Variants in FILIP1L observed in about 807,000 individuals in gnomAD.
FILIP1L encodes filamin A-interacting protein 1-like.
FILIP1L carries 55 observed loss-of-function variants against 96.6 expected under a neutral mutation model. The observed-to-expected ratio is 0.57, with a 90% CI of 0.46 to 0.71. The LOEUF (loss-of-function observed/expected upper bound fraction) is 0.71. Among genes scored for constraint, FILIP1L ranks in the 30% least tolerant of loss-of-function variants. FILIP1L has a pLI of 0.00. For missense variants in FILIP1L, 1,304 were observed against 1,321.2 expected, an observed-to-expected ratio of 0.99 and a Z score of 0.20; for synonymous variants, 467 against 473.9, an observed-to-expected ratio of 0.99 and a Z score of 0.19.
intron 4 of FILIP1L, among the ~76,000 whole-genome samples, chr3:99,918,902 T>C (rs1014282974): frequency 6.6e-6 from 1 of 152,224 alleles, no homozygotes; most frequent in Non-Finnish European, 1.5e-5. Flanking sequence ...ATTTCAATAC[T>C]TGTAAGACAT....
rs576629260 is a variant in FILIP1L, at chr3:99,971,140, A to G, written c.-10-40110T>C. On this transcript the variant is annotated intron_variant, in intron 1 of 5. Coordinates refer to ENST00000477258, the MANE Select transcript of FILIP1L (RefSeq NM_001387850.1). ...ATCACTAGGTCAGGAGATCGAGACC[A>G]TCCTGGCTAACATGGTGAAACCCCG... Among the ~76,000 whole-genome samples, 5 of 152,298 alleles carry G rather than the reference A, an allele frequency of 3.3e-5. No homozygotes were observed. The South Asian group carries it at 1.0e-3, about 32-fold the overall frequency.
intron 4 of FILIP1L, among the ~76,000 whole-genome samples, chr3:99,854,418 C>A (rs2107537165): frequency 6.6e-6 from 1 of 152,218 alleles, no homozygotes; most frequent in South Asian, 2.1e-4. Context: ...GTAGCATAGA[C>A]CTTGAGGTGC....
intron 1 of FILIP1L, among the ~76,000 whole-genome samples, chr3:100,046,235 C>T (rs567551109): frequency 1.4e-4 from 22 of 152,192 alleles, no homozygotes; most frequent in Middle Eastern, 3.4e-3. Flanking sequence ...GATATTCCAG[C>T]GTTTGGATCC....
chr3:99,846,348 A>G (rs1457779085), intron 5 of FILIP1L, among the ~76,000 whole-genome samples: 1 of 152,234 alleles, frequency 6.6e-6, no homozygotes, highest in Non-Finnish European at 1.5e-5. Flanking sequence ...TTTTATGATC[A>G]GTTGATCGAT....
At chr3:99,834,201 G>A (rs905774220) in intron 5 of FILIP1L, among the ~76,000 whole-genome samples, 10 of 152,106 alleles carry the variant, frequency 6.6e-5, no homozygotes, top group African/African-American at 1.4e-4. Flanking sequence ...CAAGTTTTAC[G>A]CTTTATACAG....
intron 4 of FILIP1L, among the ~76,000 whole-genome samples, chr3:99,909,575 T>C (rs1706727045): frequency 6.6e-6 from 1 of 152,190 alleles, no homozygotes; most frequent in South Asian, 2.1e-4. Context: ...AGAAACTCTC[T>C]AGAGTAAGAG....
At chr3:100,041,695 A>G (rs999944340) in intron 1 of FILIP1L, among the ~76,000 whole-genome samples, 1 of 152,254 alleles carries the variant, frequency 6.6e-6, no homozygotes, top group African/African-American at 2.4e-5. Flanking sequence ...AAGGGGGATA[A>G]GTGCAGATAT....
At chr3:100,071,200 G>C (rs1256550238) in intron 1 of FILIP1L, among the ~76,000 whole-genome samples, 5 of 148,788 alleles carry the variant, frequency 3.4e-5, no homozygotes, top group Non-Finnish European at 5.9e-5. Flanking sequence ...TGCTGGGGAA[G>C]TGGAGAAAAG....
intron 1 of FILIP1L, among the ~76,000 whole-genome samples, chr3:99,997,476 G>C (rs1709716936): frequency 6.6e-6 from 1 of 152,176 alleles, no homozygotes; most frequent in Non-Finnish European, 1.5e-5. Flanking sequence ...CAAGTCCATT[G>C]TTCTTTCTGA....
Position 100,062,093 on chromosome 3 carries a change from C to CTTTTTTTTTTTTTTT in FILIP1L, c.-11+51945_-11+51959dup, listed in dbSNP as rs71907944. On this transcript the variant is annotated intron_variant, in intron 1 of 5. Transcript: ENST00000477258. ...CCACTTGTGGTTATCCTGTCTTCTT[C>CTTTTTTTTTTTTTTT]TTTTTTTTTTTTTTTTTTTTTTTTT... Among the ~76,000 whole-genome samples, 101 of 53,184 alleles carry CTTTTTTTTTTTTTTT rather than the reference C, an allele frequency of 1.9e-3. 26 individuals are homozygous for CTTTTTTTTTTTTTTT. Among genetic ancestry groups the CTTTTTTTTTTTTTTT allele is most frequent in the African/African-American group, 4.0e-3 (45 of 11,246 alleles). 34.9% of individuals were successfully genotyped at this position (53,184 alleles called of 152,430 possible). A position where few individuals can be genotyped will look rare whatever the true frequency, so the allele number is the denominator to read the frequency against.
intron 1 of FILIP1L, among the ~76,000 whole-genome samples, chr3:99,983,054 C>T (rs568144272): frequency 6.6e-6 from 1 of 152,116 alleles, no homozygotes; most frequent in East Asian, 1.9e-4. Flanking sequence ...CTGTACCCAT[C>T]AGGAATAACA....
chr3:99,834,531 C>T (rs1376597444), intron 5 of FILIP1L, among the ~76,000 whole-genome samples: 1 of 152,176 alleles, frequency 6.6e-6, no homozygotes, highest in Admixed American at 6.5e-5. Flanking sequence ...TGTGTCAGAC[C>T]AAGCATCAGA....
At chr3:99,998,942 A>G (rs567075162) in intron 1 of FILIP1L, among the ~76,000 whole-genome samples, 63 of 152,354 alleles carry the variant, frequency 4.1e-4, no homozygotes, top group Non-Finnish European at 7.3e-4. Flanking sequence ...TCTTTGGCAT[A>G]AAATTCAAGC....
At chr3:100,054,304 A>G (rs2065423607) in intron 1 of FILIP1L, among the ~76,000 whole-genome samples, 1 of 152,130 alleles carries the variant, frequency 6.6e-6, no homozygotes, top group South Asian at 2.1e-4. Flanking sequence ...GTTGCTAGTA[A>G]TAGCAAATTT....
At chr3:99,926,886 T>G (rs1707309247) in intron 3 of FILIP1L, among the ~76,000 whole-genome samples, 1 of 152,212 alleles carries the variant, frequency 6.6e-6, no homozygotes, top group Non-Finnish European at 1.5e-5. Flanking sequence ...CTTCATTTAT[T>G]CCATGACCCC....
chr3:100,103,473 G>A (rs2066342580), intron 1 of FILIP1L, among the ~76,000 whole-genome samples: 1 of 152,226 alleles, frequency 6.6e-6, no homozygotes, highest in African/African-American at 2.4e-5. Flanking sequence ...GAGCTCCTTT[G>A]TGTAACTGAA....
At chr3:99,864,928 C>T (rs973332622) in intron 4 of FILIP1L, among the ~76,000 whole-genome samples, 1 of 152,164 alleles carries the variant, frequency 6.6e-6, no homozygotes, top group East Asian at 1.9e-4. Flanking sequence ...ACACGCATCT[C>T]ATTCAATGAT....
intron 4 of FILIP1L, among the ~76,000 whole-genome samples, chr3:99,907,571 G>C (rs1409005096): frequency 6.6e-6 from 1 of 152,072 alleles, no homozygotes; most frequent in Non-Finnish European, 1.5e-5. Flanking sequence ...GACATCTGCA[G>C]CTCTTTGCTG....
chr3:100,077,321 A>G (rs2065865578), intron 1 of FILIP1L, among the ~76,000 whole-genome samples: 1 of 152,246 alleles, frequency 6.6e-6, no homozygotes, highest in Non-Finnish European at 1.5e-5. Context: ...GGCAACAGCC[A>G]AAGTCATTTC....
Sources: allele counts gnomAD v4.1 joint callset (sites outside exome capture counted in the v4.1 genomes callset), GRCh38; gene constraint gnomAD v4.1.1; transcripts MANE v1.5; gene names NCBI Gene and HGNC (gene_info 2026-07-23, HGNC 2026-07-21).